The following RGS7 variants were observed in gnomAD, a reference collection of about 807,000 sequenced individuals.
RGS7 encodes the protein regulator of G-protein signaling 7.
RGS7 carries 27 observed loss-of-function variants against 81.1 expected under a neutral mutation model. The observed-to-expected ratio is 0.33, with a 90% CI of 0.25 to 0.46. The LOEUF is 0.46. Ranked by LOEUF, RGS7 falls within the 20% of genes least tolerant of loss-of-function variation. RGS7 has a pLI of 1.00. For synonymous variants in RGS7, 208 were observed against 207.7 expected, an observed-to-expected ratio of 1.00 and a Z score of -0.01; for missense variants, 396 against 607.4, an observed-to-expected ratio of 0.65 and a Z score of 3.66.
chr1:240,807,414 A>G (rs948463755), intron 14 of RGS7, among the ~76,000 whole-genome samples: 19 of 152,222 alleles, frequency 1.2e-4, no homozygotes, highest in African/African-American at 3.6e-4. Flanking sequence ...CCACAGAGAC[A>G]GCAAACTTCA....
chr1:240,944,294 A>G (rs1213515650), intron 4 of RGS7, among the ~76,000 whole-genome samples: 9,909 of 50,046 alleles, frequency 0.2, 496 homozygotes, highest in Non-Finnish European at 0.25. Flanking sequence ...ATATATATAT[A>G]TATATATATA....
intron 6 of RGS7, 143 bp from the exon 7 acceptor site, chr1:240,870,262 G>A: frequency 1.4e-6 from 1 of 722,312 alleles, no homozygotes; most frequent in Non-Finnish European, 2.5e-6. Flanking sequence ...AAATAATTAT[G>A]TAATAACATT....
intron 3 of RGS7, among the ~76,000 whole-genome samples, chr1:241,081,181 T>G (rs2063110220): frequency 6.6e-6 from 1 of 152,216 alleles, no homozygotes; most frequent in Non-Finnish European, 1.5e-5. Context: ...TATTATTTTC[T>G]ATGTGGGTCA....
In RGS7 at chr1:241,282,957, T is replaced by C. The variant is rs2078605454; in HGVS notation, c.78+72742A>G. ...ATTTGAAGTCGGTTCTTTATAGAAG[T>C]AATACTGTTGCTTTAGTTTTTACAT... On this transcript the variant is annotated intron_variant, in intron 2 of 18. Coordinates refer to ENST00000440928, the MANE Select transcript of RGS7 (RefSeq NM_001364886.1). Among the ~76,000 whole-genome samples the C allele has an allele frequency of 2.0e-5, 3 of 152,336 alleles. 1 individual carries two copies. Among genetic ancestry groups the C allele is most frequent in the Admixed American group, 6.5e-5 (1 of 15,296 alleles).
chr1:241,117,677 G>A (rs2065967159), intron 2 of RGS7, among the ~76,000 whole-genome samples: 1 of 152,190 alleles, frequency 6.6e-6, no homozygotes, highest in Non-Finnish European at 1.5e-5. Flanking sequence ...TAAAGTGGAA[G>A]AGTGTAATGT....
chr1:241,306,786 C>T (rs765198213), intron 2 of RGS7, among the ~76,000 whole-genome samples: 5 of 152,130 alleles, frequency 3.3e-5, no homozygotes, highest in Admixed American at 6.5e-5. Flanking sequence ...CACACATCCT[C>T]ACACATGAAC....
At chr1:241,244,926 G>T (rs2076446129) in intron 2 of RGS7, among the ~76,000 whole-genome samples, 1 of 144,804 alleles carries the variant, frequency 6.9e-6, no homozygotes, top group African/African-American at 2.6e-5. Flanking sequence ...ATGGACACAG[G>T]AAGGGGAACA....
rs1344162668 is a variant in RGS7 at position 241,135,717 on chromosome 1, CCTT to C, written c.79-36958_79-36956del. Among the ~76,000 whole-genome samples the C allele has an allele frequency of 5.3e-5, 8 of 152,168 alleles. No homozygotes were observed. The East Asian group carries it at 1.5e-3, about 29-fold the overall frequency. ...GAACAAGATGATCTGAGTGGGAACT[CCTT>C]CTCCCACGTGGTGTGGCCGGCCTCG... On this transcript the variant is annotated intron_variant, in intron 2 of 18. Coordinates refer to ENST00000440928, the MANE Select transcript of RGS7 (RefSeq NM_001364886.1).
intron 9 of RGS7, among the ~76,000 whole-genome samples, chr1:240,851,948 T>C (rs1330710762): frequency 6.6e-6 from 1 of 152,200 alleles, no homozygotes; most frequent in Non-Finnish European, 1.5e-5. Flanking sequence ...CCGGTGAAGA[T>C]GGTGTGAACA....
At chr1:241,275,848 G>T (rs1248421930) in intron 2 of RGS7, among the ~76,000 whole-genome samples, 1 of 152,182 alleles carries the variant, frequency 6.6e-6, no homozygotes, top group African/African-American at 2.4e-5. Flanking sequence ...AGCAACCAAA[G>T]AAATCAAACC....
intron 2 of RGS7, among the ~76,000 whole-genome samples, chr1:241,244,539 T>A (rs2076423972): frequency 6.6e-6 from 1 of 152,138 alleles, no homozygotes; most frequent in South Asian, 2.1e-4. Flanking sequence ...ATTGTGGAAG[T>A]CAGTGTGGCG....
At chr1:241,029,114 G>C (rs764656973) in intron 3 of RGS7, among the ~76,000 whole-genome samples, 1 of 150,030 alleles carries the variant, frequency 6.7e-6, no homozygotes, top group South Asian at 2.1e-4. Context: ...GTAGGTTGAG[G>C]CTGTTGATGT....
Position 240,825,461 on chromosome 1 carries a change from G to C in RGS7, c.684+1637C>G, listed in dbSNP as rs555368717. On this transcript the variant is annotated intron_variant, in intron 10 of 18. Coordinates refer to ENST00000440928, the MANE Select transcript of RGS7 (RefSeq NM_001364886.1). ...ATTTATCAAAAGGTGAGAAAAATCC[G>C]TTTTCTCCAACTGTGGAAAATAAGG... Among the ~76,000 whole-genome samples, 3 of 152,252 alleles carry C rather than the reference G, an allele frequency of 2.0e-5. No homozygotes were observed. The East Asian group carries it at 5.8e-4, about 29-fold the overall frequency.
chr1:240,814,539 C>T (rs1690455983), intron 12 of RGS7, among the ~76,000 whole-genome samples, 177 bp downstream of exon 12: 1 of 152,162 alleles, frequency 6.6e-6, no homozygotes, highest in Non-Finnish European at 1.5e-5. Context: ...ATTTAAACTA[C>T]ATCAAAAGAG....
At chr1:241,016,634 T>C (rs1018412956) in intron 3 of RGS7, among the ~76,000 whole-genome samples, 2 of 151,968 alleles carry the variant, frequency 1.3e-5, no homozygotes, top group East Asian at 3.8e-4. Flanking sequence ...GACCGTGTAA[T>C]CTATATCAAT....
chr1:241,300,131 T>C (rs2079657803), intron 2 of RGS7, among the ~76,000 whole-genome samples: 1 of 151,404 alleles, frequency 6.6e-6, no homozygotes, highest in Non-Finnish European at 1.5e-5. Context: ...AAAAAGACAA[T>C]TTTTTGGGCA....
chr1:241,121,235 T>C (rs2066234730), intron 2 of RGS7, among the ~76,000 whole-genome samples: 1 of 152,244 alleles, frequency 6.6e-6, no homozygotes, highest in South Asian at 2.1e-4. Context: ...TCAGAGATTT[T>C]ACTTTTCTAA....
intron 2 of RGS7, among the ~76,000 whole-genome samples, chr1:241,220,994 G>GAAGGAAGAAAGAAAGA (rs1553289421): frequency 3.2e-5 from 3 of 93,492 alleles, no homozygotes; most frequent in African/African-American, 7.0e-5. Context: ...AGGAAGGAAG[G>GAAGGAAGAAAGAAAGA]AAGAGAGAGA....
At chr1:241,167,265 G>A (rs1249286980) in intron 2 of RGS7, among the ~76,000 whole-genome samples, 2 of 152,160 alleles carry the variant, frequency 1.3e-5, no homozygotes, top group Non-Finnish European at 2.9e-5. Flanking sequence ...ATACAAATAC[G>A]TGTTTGGCCG....
Sources: allele counts gnomAD v4.1 joint callset (sites outside exome capture counted in the v4.1 genomes callset), GRCh38; gene constraint gnomAD v4.1.1; transcripts MANE v1.5; gene names NCBI Gene and HGNC (gene_info 2026-07-23, HGNC 2026-07-21).